Variants in INSL6 observed in about 807,000 individuals in gnomAD.
INSL6 encodes the protein insulin like 6.
A neutral mutation model predicts 9.4 loss-of-function variants in INSL6; 16 were observed. The observed-to-expected ratio is 1.70, with a 90% CI of 1.15 to 2.59. The LOEUF is 2.59. Among genes scored for constraint, INSL6 ranks in the 30% most tolerant of loss-of-function variants. The probability of loss-of-function intolerance (pLI) is 0.00; values close to 1 mark genes in which losing one functional copy is unlikely to be tolerated. For missense variants in INSL6, 391 were observed against 257.3 expected (o/e 1.52, Z -3.56); for synonymous variants, 154 against 96.9 (o/e 1.59, Z -3.46).
intron 1 of INSL6, among the ~76,000 whole-genome samples, chr9:5,178,924 G>T (rs780192045): frequency 4.6e-5 from 7 of 151,776 alleles, no homozygotes; most frequent in Non-Finnish European, 1.0e-4. Flanking sequence ...GAAAATCTAG[G>T]CAATAGCATT....
chr9:5,111,831 G>C, the INSL6 span: 58 of 409,020 alleles, frequency 1.4e-4, no homozygotes, highest in East Asian at 3.4e-3. Flanking sequence ...CCAGCCACAC[G>C]CCTGTCGGCG....
chr9:5,126,817 A>G (rs1433392716), intron 3 of INSL6: 1 of 1,418,572 alleles, frequency 7.0e-7, no homozygotes, highest in South Asian at 1.2e-5. Flanking sequence ...TTCTGAGACC[A>G]AAGTAGATTT....
the INSL6 span, among the ~76,000 whole-genome samples, chr9:5,034,905 A>G: frequency 1.3e-5 from 2 of 151,840 alleles, no homozygotes; most frequent in Non-Finnish European, 2.9e-5. Flanking sequence ...ACTGAAGGAC[A>G]TAGAGAGACA....
the INSL6 span, chr9:5,108,314 T>G: frequency 1.3e-5 from 2 of 152,102 alleles, no homozygotes; most frequent in Admixed American, 6.5e-5. Flanking sequence ...CCCTAATTAT[T>G]ATTATCACCC....
the INSL6 span, among the ~76,000 whole-genome samples, chr9:5,036,039 C>G: frequency 1.3e-5 from 2 of 152,128 alleles, no homozygotes; most frequent in Non-Finnish European, 2.9e-5. Flanking sequence ...AAAGTCTCAG[C>G]ATACAAAATC....
the INSL6 span, among the ~76,000 whole-genome samples, chr9:5,104,689 A>C: frequency 3.3e-5 from 5 of 152,234 alleles, no homozygotes; most frequent in Non-Finnish European, 1.5e-5. Flanking sequence ...ATCCAGCAGC[A>C]CATCCAAAAG....
the INSL6 span, among the ~76,000 whole-genome samples, chr9:5,115,127 T>C: frequency 6.6e-6 from 1 of 152,096 alleles, no homozygotes; most frequent in Non-Finnish European, 1.5e-5. Flanking sequence ...GTGAACAGGC[T>C]ACCTACAGAA....
the INSL6 span, among the ~76,000 whole-genome samples, chr9:5,012,070 C>A: frequency 2.0e-5 from 3 of 152,216 alleles, no homozygotes; most frequent in African/African-American, 7.2e-5. Flanking sequence ...ATTCAGGAGT[C>A]AGGCCCCACT....
At chr9:5,181,425 T>C (rs1178691458) in intron 1 of INSL6, among the ~76,000 whole-genome samples, 2 of 151,868 alleles carry the variant, frequency 1.3e-5, no homozygotes, top group African/African-American at 4.8e-5. Flanking sequence ...TAGTAGAAAG[T>C]GTTCAGAAAA....
chr9:5,125,742 T>A (rs866477451), intron 3 of INSL6, among the ~76,000 whole-genome samples: 59 of 151,708 alleles, frequency 3.9e-4, no homozygotes, highest in African/African-American at 1.3e-3. Context: ...CTTAATGTGG[T>A]TGACTATATA....
the INSL6 span, among the ~76,000 whole-genome samples, chr9:5,066,493 T>C: frequency 6.6e-6 from 1 of 152,122 alleles, no homozygotes; most frequent in Non-Finnish European, 1.5e-5. Context: ...TTGAAGTGGT[T>C]TGAACTTACT....
the INSL6 span, among the ~76,000 whole-genome samples, chr9:5,046,284 T>C: frequency 3.3e-5 from 5 of 152,192 alleles, no homozygotes; most frequent in Admixed American, 6.5e-5. Flanking sequence ...TGTTATATTA[T>C]AGAAATTATT....
chr9:5,133,878 T>C (rs1464756718), intron 2 of INSL6, among the ~76,000 whole-genome samples: 2 of 151,110 alleles, frequency 1.3e-5, no homozygotes, highest in African/African-American at 2.5e-5. Flanking sequence ...CTTCAGAAGG[T>C]TGGTAATTAC....
At chr9:5,142,201 C>G (rs1318098985) in intron 2 of INSL6, among the ~76,000 whole-genome samples, 1 of 151,994 alleles carries the variant, frequency 6.6e-6, no homozygotes, top group African/African-American at 2.4e-5. Context: ...CTATTTGGCT[C>G]TTTTTTGGTT....
the INSL6 span, among the ~76,000 whole-genome samples, chr9:5,040,770 C>T: frequency 2.0e-5 from 3 of 152,232 alleles, no homozygotes; most frequent in African/African-American, 7.2e-5. Flanking sequence ...AGGCGCCTTC[C>T]GCCCTTAACA....
the INSL6 span, among the ~76,000 whole-genome samples, chr9:5,046,890 T>A: frequency 1.3e-5 from 2 of 152,182 alleles, no homozygotes; most frequent in Non-Finnish European, 2.9e-5. Flanking sequence ...GTAGGCTAGT[T>A]AAGTCCCATT....
chr9:5,066,258 T>C, the INSL6 span, among the ~76,000 whole-genome samples: 1 of 152,142 alleles, frequency 6.6e-6, no homozygotes, highest in Non-Finnish European at 1.5e-5. Context: ...TACTGAATAA[T>C]AAAATCATGC....
At chr9:5,152,225 A>C (rs1824727002) in intron 2 of INSL6, among the ~76,000 whole-genome samples, 2 of 152,228 alleles carry the variant, frequency 1.3e-5, no homozygotes, top group Non-Finnish European at 2.9e-5. Flanking sequence ...TAACACTGTC[A>C]ACTAACTTTA....
chr9:5,150,670 GA>G (rs998652614), intron 2 of INSL6, among the ~76,000 whole-genome samples: 57 of 152,030 alleles, frequency 3.7e-4, no homozygotes, highest in African/African-American at 1.3e-3. Context: ...AGACTTCCCA[GA>G]AAACTAAAAA....
Sources: gnomAD v4.1 joint callset for allele counts (sites outside exome capture counted in the v4.1 genomes callset) on GRCh38, gnomAD v4.1.1 for gene constraint, MANE v1.5 for transcripts, NCBI Gene and HGNC (gene_info 2026-07-23, HGNC 2026-07-21) for gene names.